Variants in ZNF679 observed in about 807,000 individuals in gnomAD.
ZNF679 encodes hypothetical protein MGC42415.
ZNF679 carries 10 observed loss-of-function variants against 13.4 expected under a neutral mutation model. The observed-to-expected ratio is 0.75, with a 90% CI of 0.46 to 1.27. The LOEUF (loss-of-function observed/expected upper bound fraction) is 1.27, where lower values mean the gene tolerates loss of function less well. Ranked by LOEUF, ZNF679 falls within the 50% of genes most tolerant of loss-of-function variation. The pLI is 0.00. For missense variants in ZNF679, 525 were observed against 477.8 expected (o/e 1.10, Z -0.92); for synonymous variants, 179 against 162.5 (o/e 1.10, Z -0.77).
chr7:64,233,443 A>T (rs1321484156), intron 1 of ZNF679, among the ~76,000 whole-genome samples: 1 of 151,966 alleles, frequency 6.6e-6, no homozygotes, highest in East Asian at 1.9e-4. Context: ...GTGAGTCGAG[A>T]TGGCGCCACT....
rs1179617348 is a variant in ZNF679 at position 64,251,569 on chromosome 7, G to A, written c.39+2413G>A. On this transcript the variant is annotated intron_variant, in intron 2 of 4. Coordinates refer to ENST00000421025, the MANE Select transcript of ZNF679 (RefSeq NM_153363.3). The stretch of plus-strand genomic sequence containing the variant: ...AAGCTCAGACATCTTATCATAATGC[G>A]TGGGTTGAGTTTTTTTGGGGGAAAC... Among the ~76,000 whole-genome samples the A allele has an allele frequency of 6.6e-5, 10 of 152,142 alleles. No individual in the cohort carries two copies. In the East Asian group the frequency reaches 1.2e-3, roughly 18 times the overall value.
chr7:64,243,849 C>T (rs1372938703), intron 1 of ZNF679, among the ~76,000 whole-genome samples: 1 of 152,220 alleles, frequency 6.6e-6, no homozygotes, highest in Admixed American at 6.5e-5. Context: ...ACTTCAGGAT[C>T]AGAGTCAATA....
At chr7:64,256,966 G>T (rs917072184) in intron 2 of ZNF679, among the ~76,000 whole-genome samples, 1 of 152,118 alleles carries the variant, frequency 6.6e-6, no homozygotes, top group Non-Finnish European at 1.5e-5. Context: ...AAAGTGCTGG[G>T]ATTATAGTCG....
intron 2 of ZNF679, among the ~76,000 whole-genome samples, chr7:64,253,012 C>G (rs1009432360): frequency 6.6e-6 from 1 of 152,252 alleles, no homozygotes; most frequent in African/African-American, 2.4e-5. Flanking sequence ...GCCACTGCTC[C>G]TGGCCCTGTT....
intron 2 of ZNF679, among the ~76,000 whole-genome samples, chr7:64,254,484 T>G (rs1787977944): frequency 6.6e-6 from 1 of 152,056 alleles, no homozygotes; most frequent in Non-Finnish European, 1.5e-5. Context: ...CAACATTTTT[T>G]TTTTGTCTTA....
At chr7:64,254,251 A>G (rs1428494092) in intron 2 of ZNF679, among the ~76,000 whole-genome samples, 2 of 151,810 alleles carry the variant, frequency 1.3e-5, no homozygotes, top group South Asian at 2.1e-4. Flanking sequence ...TAGCCTCCCA[A>G]GTAGCTAGGA....
At chr7:64,245,462 G>GGGAGA (rs1787856841) in intron 1 of ZNF679, among the ~76,000 whole-genome samples, 1 of 146,242 alleles carries the variant, frequency 6.8e-6, no homozygotes, top group East Asian at 2.0e-4. Flanking sequence ...AGAGAGAGAG[G>GGGAGA]GAGAGAGAGA....
intron 1 of ZNF679, among the ~76,000 whole-genome samples, chr7:64,247,210 A>C (rs928932711): frequency 6.6e-6 from 1 of 152,158 alleles, no homozygotes; most frequent in African/African-American, 2.4e-5. Flanking sequence ...TTTATCAGCA[A>C]GGTCTTTGTG....
At chr7:64,245,620 C>T (rs1342797738) in intron 1 of ZNF679, among the ~76,000 whole-genome samples, 1 of 152,140 alleles carries the variant, frequency 6.6e-6, no homozygotes, top group Non-Finnish European at 1.5e-5. Context: ...AAGTTTCCCA[C>T]TTTAGGGAGG....
chr7:64,256,595 G>C (rs534838649), intron 2 of ZNF679, among the ~76,000 whole-genome samples: 1 of 150,770 alleles, frequency 6.6e-6, no homozygotes, highest in Admixed American at 6.6e-5. Context: ...GGACTTTTTA[G>C]TCTGAGTGTG....
chr7:64,266,280 A>T lies in ZNF679; in HGVS notation c.647A>T (p.Glu216Val), dbSNP rs754393023. ...AGGGAGAATTCCTACCAATGTGAAGAATGCGGCAAACCCTTCAACTGCTCT... is the reference window on the plus strand; with the variant it reads ...AGGGAGAATTCCTACCAATGTGAAGTATGCGGCAAACCCTTCAACTGCTCT... The part of the protein sequence containing the change: ...HTRENSYQCE[E>V]CGKPFNCSST... The change falls in exon 5 of 5, where the codon GAA (glutamate) becomes GTA (valine). Residue 216 changes from glutamate to valine, a missense_variant. By Grantham distance (121) the Glu-to-Val change is moderately radical. Coordinates refer to ENST00000421025, the MANE Select transcript of ZNF679 (RefSeq NM_153363.3). 13 of 1,598,304 alleles carry T rather than the reference A, an allele frequency of 8.1e-6. No individual in the cohort carries two copies. The highest frequency in any genetic ancestry group is 1.1e-5 in the Non-Finnish European group (13 of 1,171,834).
At chr7:64,248,987 C>T (rs1787905638) in intron 1 of ZNF679, 41 bp from the exon 2 acceptor site, 11 of 1,338,334 alleles carry the variant, frequency 8.2e-6, no homozygotes, top group Non-Finnish European at 9.4e-6. Context: ...AACAGGATGC[C>T]TCCGTAATTT....
At chr7:64,265,806 G>T (rs561387175) in intron 4 of ZNF679, 90 bp from the exon 5 acceptor site, 82 of 1,432,582 alleles carry the variant, frequency 5.7e-5, no homozygotes, top group Admixed American at 8.2e-5. Flanking sequence ...TTTTGCTAAA[G>T]TACCTTGTAT....
intron 2 of ZNF679, among the ~76,000 whole-genome samples, chr7:64,254,507 A>T (rs1485141911): frequency 6.6e-6 from 1 of 151,432 alleles, no homozygotes; most frequent in Non-Finnish European, 1.5e-5. Flanking sequence ...CATCTTTTCC[A>T]TTTCACTGTT....
intron 1 of ZNF679, among the ~76,000 whole-genome samples, chr7:64,242,272 A>G (rs1787808691): frequency 6.6e-6 from 1 of 152,192 alleles, no homozygotes; most frequent in South Asian, 2.1e-4. Context: ...ACTATTAGCC[A>G]TGTGTGCATA....
In ZNF679 at chr7:64,266,557, C is replaced by G. The variant is rs1189988078; in HGVS notation, c.924C>G (p.Ser308=). Reference sequence around the variant, plus strand: ...AATGTGGCAAAGCCTTTAGCTTATCCTCATCCCTCACTTACCACAAGAGAA... The same window carrying G: ...AATGTGGCAAAGCCTTTAGCTTATCGTCATCCCTCACTTACCACAAGAGAA... The part of the protein sequence containing the change: ...CEECGKAFSL[S]SSLTYHKRIH... Residue 308 remains serine (S), a synonymous_variant, in exon 5 of 5, where the codon TCC becomes TCG. Transcript: ENST00000421025. The G allele has an allele frequency of 6.2e-7, 1 of 1,612,306 alleles. No individual in the cohort carries two copies. The highest frequency in any genetic ancestry group is 1.3e-5 in the African/African-American group (1 of 74,820).
chr7:64,236,497 A>G (rs1787714182), intron 1 of ZNF679, among the ~76,000 whole-genome samples: 1 of 151,676 alleles, frequency 6.6e-6, no homozygotes, highest in African/African-American at 2.4e-5. Flanking sequence ...TAAAAAGTCT[A>G]TGGGGGCAGG....
intron 1 of ZNF679, among the ~76,000 whole-genome samples, chr7:64,234,345 G>A (rs1787679951): frequency 6.6e-6 from 1 of 152,222 alleles, no homozygotes; most frequent in African/African-American, 2.4e-5. Flanking sequence ...CCCACCTCTA[G>A]AGAGCTTTCT....
At chr7:64,242,100 C>T (rs905957499) in intron 1 of ZNF679, among the ~76,000 whole-genome samples, 2 of 152,194 alleles carry the variant, frequency 1.3e-5, no homozygotes, top group Admixed American at 1.3e-4. Context: ...GTAGGGGAGT[C>T]ACAGCCTCAC....
Sources: allele counts gnomAD v4.1 joint callset (sites outside exome capture counted in the v4.1 genomes callset), GRCh38; gene constraint gnomAD v4.1.1; transcripts MANE v1.5; gene names NCBI Gene and HGNC (gene_info 2026-07-23, HGNC 2026-07-21).